The following TNFSF11 variants were observed in gnomAD, a reference collection of about 807,000 sequenced individuals.
TNFSF11 encodes the protein TNF superfamily member 11.
A neutral mutation model predicts 32.2 loss-of-function variants in TNFSF11; 12 were observed. That is an observed-to-expected ratio of 0.37 (90% CI 0.24 to 0.60). TNFSF11 has a LOEUF of 0.60. Ranked by LOEUF, TNFSF11 falls within the 20% of genes least tolerant of loss-of-function variation. The probability of loss-of-function intolerance (pLI) is 0.66; values close to 1 mark genes in which losing one functional copy is unlikely to be tolerated. For synonymous variants in TNFSF11, 172 were observed against 152.1 expected (o/e 1.13, Z -0.96); for missense variants, 345 against 398.0 (o/e 0.87, Z 1.13).
chr13:42,601,014 T>C, intron 4 of TNFSF11, 33 bp downstream of exon 4: 1 of 1,610,478 alleles, frequency 6.2e-7, no homozygotes, highest in South Asian at 1.1e-5. Flanking sequence ...CTGAAAAATA[T>C]TTTAAGAGTC....
chr13:42,600,806 G>A lies in TNFSF11; in HGVS notation c.433+9G>A, dbSNP rs1869131917. Reference sequence around the variant, plus strand: ...CATCAGAGCAGAGAAAGGTAAGCATGGATCCATACATCTGTATGAAATCCC... The same window carrying A: ...CATCAGAGCAGAGAAAGGTAAGCATAGATCCATACATCTGTATGAAATCCC... On this transcript the variant is annotated intron_variant, in intron 3 of 4. Coordinates refer to ENST00000398795, the MANE Select transcript of TNFSF11 (RefSeq NM_003701.4). 6.2e-7 allele frequency: 1 copy of A among 1,613,950 alleles called. No homozygotes were observed. Among genetic ancestry groups the A allele is most frequent in the Admixed American group, 1.7e-5 (1 of 59,996 alleles).
chr13:42,563,350 T>C (rs910255571), intron 1 of TNFSF11, among the ~76,000 whole-genome samples: 5 of 152,198 alleles, frequency 3.3e-5, no homozygotes, highest in African/African-American at 1.2e-4. Context: ...CCAGAGGACT[T>C]TTTATCATTT....
At chr13:42,568,251 C>T (rs540526619) in intron 2 of TNFSF11, among the ~76,000 whole-genome samples, 79 of 152,338 alleles carry the variant, frequency 5.2e-4, no homozygotes, top group African/African-American at 1.9e-3. Context: ...AATATGTATG[C>T]TTTGCCAACC....
At chr13:42,602,283 C>T (rs1364108683) in intron 4 of TNFSF11, among the ~76,000 whole-genome samples, 1 of 152,154 alleles carries the variant, frequency 6.6e-6, no homozygotes, top group Non-Finnish European at 1.5e-5. Context: ...AGGTAGACTG[C>T]TAACATTCTT....
At chr13:42,600,074 G>T (rs1323566403) in intron 2 of TNFSF11, among the ~76,000 whole-genome samples, 1 of 152,106 alleles carries the variant, frequency 6.6e-6, no homozygotes, top group Non-Finnish European at 1.5e-5. Flanking sequence ...TGGGCATGTG[G>T]TTACCTATTT....
chr13:42,592,575 G>A (rs989379721), intron 2 of TNFSF11, among the ~76,000 whole-genome samples: 4 of 152,206 alleles, frequency 2.6e-5, no homozygotes, highest in African/African-American at 9.7e-5. Flanking sequence ...ACTGTTGAGA[G>A]TTTTTATGGA....
Position 42,574,327 on chromosome 13 carries a change from C to T in TNFSF11, c.24C>T (p.Tyr8=), listed in dbSNP as rs762972349. MRRASRD[Y]TKYLRGSEEM... Reference sequence around the variant, plus strand: ...CCATGCGCCGCGCCAGCAGAGACTACACCAAGTACCTGCGTGGCTCGGAGG... The same window carrying T: ...CCATGCGCCGCGCCAGCAGAGACTATACCAAGTACCTGCGTGGCTCGGAGG... Residue 8 remains tyrosine (Y), a synonymous_variant, in exon 1 of 5, where the codon TAC becomes TAT. Transcript: ENST00000398795. 9.7e-6 allele frequency: 15 copies of T among 1,546,770 alleles called. No homozygotes were observed. In the African/African-American group the frequency reaches 1.2e-4, roughly 13 times the overall value.
At position 42,574,471 on chromosome 13, in the gene TNFSF11, G is replaced by T. The variant is rs1327671615; in HGVS notation, c.168G>T (p.Gly56=). Residue 56 remains glycine (G), a synonymous_variant, in exon 1 of 5, where the codon GGG becomes GGT. Transcript: ENST00000398795. ...RSMFVALLGL[G]LGQVVCSVAL... ...TGTTCGTGGCCCTCCTGGGGCTGGG[G>T]CTGGGCCAGGTTGTCTGCAGCGTCG... 1 of 1,609,040 alleles carries T rather than the reference G, an allele frequency of 6.2e-7. No individual in the cohort carries two copies. The highest frequency in any genetic ancestry group is 1.3e-5 in the African/African-American group (1 of 74,900).
intron 2 of TNFSF11, among the ~76,000 whole-genome samples, chr13:42,592,079 T>C (rs1196296662): frequency 6.6e-6 from 1 of 152,176 alleles, no homozygotes; most frequent in African/African-American, 2.4e-5. Flanking sequence ...TTCTCTGTAC[T>C]CTCATAACCT....
chr13:42,600,630 TACTATGGCACCTTTGGAAGGA>T, intron 2 of TNFSF11, 101 bp from the exon 3 acceptor site: 1 of 1,075,722 alleles, frequency 9.3e-7, no homozygotes, highest in Non-Finnish European at 1.3e-6. Context: ...CTGCCAATGT[TACTATGGCACCTTTGGAAGGA>T]AAAGAGGGTT....
rs1302863739 is a variant in TNFSF11 at position 42,607,269 on chromosome 13, A to G, written c.*351A>G. ...TCGCAGCTGAAGTGGAGAGGGTGTC[A>G]TCTAGCGCAATTGAAGGATCATCTG... On this transcript the variant is annotated 3_prime_UTR_variant, in exon 5 of 5. Coordinates refer to ENST00000398795, the MANE Select transcript of TNFSF11 (RefSeq NM_003701.4). 4.9e-6 allele frequency: 1 copy of G among 203,346 alleles called. No individual in the cohort carries two copies. The highest frequency in any genetic ancestry group is 2.3e-5 in the African/African-American group (1 of 42,804). 12.6% of individuals were successfully genotyped at this position (203,346 alleles called of 1,614,324 possible). A position where few individuals can be genotyped will look rare whatever the true frequency, so the allele number is the denominator to read the frequency against.
chr13:42,570,993 CT>C (rs796223549), upstream of TNFSF11, among the ~76,000 whole-genome samples: 3,116 of 147,866 alleles, frequency 0.021, 48 homozygotes, highest in African/African-American at 0.042. Context: ...TTTGTTGAAT[CT>C]TTTTTTTTTT....
intron 2 of TNFSF11, among the ~76,000 whole-genome samples, chr13:42,594,226 C>A (rs1305034352): frequency 6.6e-6 from 1 of 151,972 alleles, no homozygotes; most frequent in African/African-American, 2.4e-5. Context: ...TTACTGGCAA[C>A]TGCCACCATG....
At chr13:42,588,007 G>C (rs544784032) in intron 2 of TNFSF11, among the ~76,000 whole-genome samples, 1 of 152,162 alleles carries the variant, frequency 6.6e-6, no homozygotes, top group Non-Finnish European at 1.5e-5. Context: ...GTATGTGTCC[G>C]AAGAAAGTTT....
chr13:42,593,802 G>A (rs1868634184), intron 2 of TNFSF11, among the ~76,000 whole-genome samples: 1 of 152,242 alleles, frequency 6.6e-6, no homozygotes, highest in African/African-American at 2.4e-5. Context: ...CAACCAGCCA[G>A]ATGTCTCTGC....
chr13:42,606,075 A>C (rs1869434108), intron 4 of TNFSF11, among the ~76,000 whole-genome samples: 1 of 151,870 alleles, frequency 6.6e-6, no homozygotes, highest in Admixed American at 6.6e-5. Flanking sequence ...GCTGAATCCC[A>C]TTTCTCTTAA....
intron 1 of TNFSF11, among the ~76,000 whole-genome samples, chr13:42,564,457 C>T (rs1388851581): frequency 1.3e-5 from 2 of 151,958 alleles, no homozygotes; most frequent in African/African-American, 4.8e-5. Flanking sequence ...ATCCCACCTA[C>T]TTGGTAGGCT....
At chr13:42,589,993 C>A (rs926679813) in intron 2 of TNFSF11, among the ~76,000 whole-genome samples, 1 of 152,258 alleles carries the variant, frequency 6.6e-6, no homozygotes, top group African/African-American at 2.4e-5. Context: ...CGCCCACCCA[C>A]CTGTGGGGGT....
chr13:42,599,202 G>A (rs959886525), intron 2 of TNFSF11, among the ~76,000 whole-genome samples: 19 of 152,144 alleles, frequency 1.2e-4, no homozygotes, highest in East Asian at 1.9e-4. Flanking sequence ...TAAAAACAAC[G>A]TAGATTCTTA....
Sources: gnomAD v4.1 joint callset for allele counts (sites outside exome capture counted in the v4.1 genomes callset) on GRCh38, gnomAD v4.1.1 for gene constraint, MANE v1.5 for transcripts, NCBI Gene and HGNC (gene_info 2026-07-23, HGNC 2026-07-21) for gene names.